The following APOB variants were observed in gnomAD, a reference collection of about 807,000 sequenced individuals.
APOB encodes apolipoprotein B-100.
Under a neutral mutation model 314.1 loss-of-function variants are expected in APOB, and 153 were observed. The ratio of observed to expected loss-of-function variants is 0.49; its 90% confidence interval spans 0.43 to 0.56. The LOEUF (loss-of-function observed/expected upper bound fraction) is 0.56, where lower values mean the gene tolerates loss of function less well. Among genes scored for constraint, APOB ranks in the 20% least tolerant of loss-of-function variants. The probability of loss-of-function intolerance (pLI) is 0.00; values close to 1 mark genes in which losing one functional copy is unlikely to be tolerated. For synonymous variants in APOB, 2,087 were observed against 2,036.4 expected (o/e 1.02, Z -0.67); for missense variants, 5,430 against 5,350.7 (o/e 1.01, Z -0.46).
At position 21,010,281 on chromosome 2, in the gene APOB, A is replaced by G; in HGVS notation, c.6587T>C (p.Ile2196Thr). ...TTCATCAATAATATTAGCAATAGCT[A>G]TTTTCAAATCATGTAAATCATAACT... ...KDSYDLHDLK[I>T]AIANIIDEII... Residue 2196 changes from isoleucine to threonine, a missense_variant, in exon 26 of 29, where the codon ATA becomes ACA. Around this residue, in one of 3 missense-constraint regions of APOB, gnomAD observed 3,281 missense variants for 3,171.0 expected, o/e 1.03. Transcript: ENST00000233242. 5 of 1,551,074 alleles carry G rather than the reference A, an allele frequency of 3.2e-6. No homozygotes were observed. Among genetic ancestry groups the G allele is most frequent in the Non-Finnish European group, 4.3e-6 (5 of 1,150,162 alleles).
At chr2:21,027,329 T>TTTTTG (rs1663755520) in intron 14 of APOB, among the ~76,000 whole-genome samples, 1 of 135,998 alleles carries the variant, frequency 7.4e-6, no homozygotes, top group East Asian at 2.7e-4. Flanking sequence ...TTTTTTTTTT[T>TTTTTG]GAGATGGAGT....
In APOB at chr2:21,014,475, T is replaced by C; in HGVS notation, c.3815A>G (p.His1272Arg). 6.2e-7 allele frequency: 1 copy of C among 1,614,192 alleles called. No homozygotes were observed. The highest frequency in any genetic ancestry group is 8.5e-7 in the Non-Finnish European group (1 of 1,180,014). Residue 1272 changes from histidine (H) to arginine (R), a missense_variant, in exon 24 of 29, where the codon CAC becomes CGC. Physicochemically the swap from His to Arg is conservative, Grantham distance 29 (BLOSUM62 0). Around this residue, in one of 3 missense-constraint regions of APOB, gnomAD observed 2,085 missense variants for 2,079.7 expected, o/e 1.00. Coordinates refer to ENST00000233242, the MANE Select transcript of APOB (RefSeq NM_000384.3). ...TTTTAAGAAGAGGTTTTCTGGGATG[T>C]GGAAGTCTGGCAATCCCATGTTCTG... The part of the protein sequence containing the change: ...NLQNMGLPDF[H>R]IPENLFLKSD...
At chr2:21,028,878 G>A (rs1663808182) in intron 12 of APOB, among the ~76,000 whole-genome samples, 1 of 152,214 alleles carries the variant, frequency 6.6e-6, no homozygotes, top group South Asian at 2.1e-4. Context: ...ATGAGAAGGG[G>A]TAGTAAGAGT....
Position 21,015,355 on chromosome 2 carries a change from G to T in APOB, c.3508+15C>A. The T allele has an allele frequency of 6.2e-7, 1 of 1,614,088 alleles. No homozygotes were observed. Among genetic ancestry groups the T allele is most frequent in the African/African-American group, 1.3e-5 (1 of 75,010 alleles). The stretch of plus-strand genomic sequence containing the variant: ...ATTACTTTGGAAGTGCTCACACAGG[G>T]GAAGAGACACATACCATAATGCCAT... On this transcript the variant is annotated intron_variant, in intron 22 of 28. Transcript: ENST00000233242.
chr2:21,042,767 C>A (rs528550649), intron 2 of APOB, among the ~76,000 whole-genome samples: 2 of 151,978 alleles, frequency 1.3e-5, no homozygotes, highest in East Asian at 3.9e-4. Context: ...GCATGAGAGA[C>A]CCTCTGGCAA....
rs886436153 is a variant in APOB, at chr2:21,023,760, C to G, written c.2437-68G>C. 11 of 1,367,916 alleles carry G rather than the reference C, an allele frequency of 8.0e-6. No homozygotes were observed. The African/African-American group carries it at 1.3e-4, about 16-fold the overall frequency. 84.7% of individuals were successfully genotyped at this position (1,367,916 alleles called of 1,614,324 possible). A position where few individuals can be genotyped will look rare whatever the true frequency, so the allele number is the denominator to read the frequency against. Reference sequence around the variant, plus strand: ...TAAAGTCGGTTTTGTTAATTACAACCTCCCATACATTGGAGAGTAATTCCT... The same window carrying G: ...TAAAGTCGGTTTTGTTAATTACAACGTCCCATACATTGGAGAGTAATTCCT... On this transcript the variant is annotated intron_variant, in intron 16 of 28. Coordinates refer to ENST00000233242, the MANE Select transcript of APOB (RefSeq NM_000384.3).
Position 21,034,848 on chromosome 2 carries a change from G to T in APOB, c.872C>A (p.Thr291Lys). The T allele has an allele frequency of 1.2e-6, 2 of 1,605,882 alleles. No homozygotes were observed. Among genetic ancestry groups the T allele is most frequent in the Non-Finnish European group, 1.7e-6 (2 of 1,172,430 alleles). The change falls in exon 8 of 29, where the codon ACA becomes AAA. Residue 291 changes from threonine (T) to lysine (K), a missense_variant. Physicochemically the swap from Thr to Lys is moderately conservative, Grantham distance 78. Around this residue, in one of 3 missense-constraint regions of APOB, gnomAD observed 2,085 missense variants for 2,079.7 expected, o/e 1.00. Transcript: ENST00000233242. ...QVTQTLKLED[T>K]PKINSRFFGE... ...AAAGAAGCGGCTGTTGATCTTTGGT[G>T]TGTCTTCAAGTTTCAAAGTCTGTGT... is the stretch of plus-strand genomic sequence containing the variant.
Position 21,002,635 on chromosome 2 carries a change from T to C in APOB, c.12787A>G (p.Ile4263Val), listed in dbSNP as rs751291501. 5 of 1,613,912 alleles carry C rather than the reference T, an allele frequency of 3.1e-6. No homozygotes were observed. The highest frequency in any genetic ancestry group is 3.3e-4 in the Middle Eastern group (2 of 6,058). The change falls in exon 29 of 29, where the codon ATA becomes GTA. Residue 4263 changes from isoleucine (I) to valine (V), a missense_variant. By Grantham distance (29) the Ile-to-Val change is conservative (BLOSUM62 3). Coordinates refer to ENST00000233242, the MANE Select transcript of APOB (RefSeq NM_000384.3). ...LPFELRKHKLIDVISMYRELL... is the reference protein window; with the variant it reads ...LPFELRKHKLVDVISMYRELL... ...TCCCTATACATCGAGATTACATCTATTAGTTTATGTTTCCTTAACTCGAAA... is the reference window on the plus strand; with the variant it reads ...TCCCTATACATCGAGATTACATCTACTAGTTTATGTTTCCTTAACTCGAAA...
chr2:21,040,622 C>T (rs760226126), intron 4 of APOB, among the ~76,000 whole-genome samples: 1 of 152,194 alleles, frequency 6.6e-6, no homozygotes, highest in Non-Finnish European at 1.5e-5. Flanking sequence ...CCAAAGACCA[C>T]CAAGCACTAG....
rs1663625303 is a variant in APOB, at chr2:21,022,233, G to C, written c.2816+598C>G. Among the ~76,000 whole-genome samples, 2 of 152,284 alleles carry C rather than the reference G, an allele frequency of 1.3e-5. 1 individual carries two copies. The highest frequency in any genetic ancestry group is 4.1e-4 in the South Asian group (2 of 4,824). On this transcript the variant is annotated intron_variant, in intron 18 of 28. Transcript: ENST00000233242. Reference sequence around the variant, plus strand: ...TCCATCCACCTGGGGCTCCCAAAGTGCTAGGATTACAGGCATGAACCACCG... The same window carrying C: ...TCCATCCACCTGGGGCTCCCAAAGTCCTAGGATTACAGGCATGAACCACCG...
chr2:21,009,151 A>C lies in APOB; in HGVS notation c.7717T>G (p.Trp2573Gly), dbSNP rs763937444. The change falls in exon 26 of 29, where the codon TGG becomes GGG. Residue 2573 changes from tryptophan (W) to glycine (G), a missense_variant. Trp to Gly is a radical substitution (Grantham distance 184). Around this residue, in one of 3 missense-constraint regions of APOB, gnomAD observed 3,281 missense variants for 3,171.0 expected, o/e 1.03. Coordinates refer to ENST00000233242, the MANE Select transcript of APOB (RefSeq NM_000384.3). ...DFAEQYSIQDWAKRMKALVEQ... is the reference protein window; with the variant it reads ...DFAEQYSIQDGAKRMKALVEQ... ...ACCAATGCTTTCATACGTTTAGCCC[A>C]ATCTTGGATAGAATATTGCTCTGCA... 3 of 1,613,970 alleles carry C rather than the reference A, an allele frequency of 1.9e-6. No homozygotes were observed. Among genetic ancestry groups the C allele is most frequent in the Non-Finnish European group, 2.5e-6 (3 of 1,179,950 alleles).
chr2:21,015,541 C>T lies in APOB; in HGVS notation c.3337G>A (p.Asp1113Asn). The T allele has an allele frequency of 6.2e-7, 1 of 1,612,434 alleles. No homozygotes were observed. ...TTGATTTTTCTTTCTTCCTTTGTGTCACAACTATGGTAAAGAAAATCAGTT... is the reference window on the plus strand; with the variant it reads ...TTGATTTTTCTTTCTTCCTTTGTGTTACAACTATGGTAAAGAAAATCAGTT... Reference protein sequence around the residue: ...EVALMGHLSCDTKEERKIKGV... With the variant: ...EVALMGHLSCNTKEERKIKGV... The change falls in exon 22 of 29, where the codon GAC becomes AAC. Residue 1113 changes from aspartate (D) to asparagine (N), a missense_variant. This residue lies in a region of APOB where 2,085 missense variants were observed against 2,079.7 expected (regional missense o/e 1.00). Coordinates refer to ENST00000233242, the MANE Select transcript of APOB (RefSeq NM_000384.3).
rs1330652141 is a variant in APOB at position 21,005,720 on chromosome 2, G to T, written c.11148C>A (p.Gly3716=). The T allele has an allele frequency of 6.2e-7, 1 of 1,613,930 alleles. No homozygotes were observed. Among genetic ancestry groups the T allele is most frequent in the East Asian group, 2.2e-5 (1 of 44,884 alleles). ...TAFVYTKNPN[G]YSFSIPVKVL... ...CTTTTACAGGGATGGAGAATGAATA[G>T]CCATTGGGGTTTTTGGTGTACACAA... Residue 3716 remains glycine (G), a synonymous_variant, in exon 26 of 29, where the codon GGC becomes GGA. Transcript: ENST00000233242.
chr2:21,017,737 C>T (rs973285801), intron 20 of APOB, among the ~76,000 whole-genome samples: 4 of 152,156 alleles, frequency 2.6e-5, no homozygotes, highest in African/African-American at 9.7e-5. Context: ...ACAAGATTCC[C>T]GGGCGTCCTT....
In APOB at chr2:21,032,581, G is replaced by A. The variant is rs1663908513; in HGVS notation, c.1125C>T (p.Ser375=). Residue 375 remains serine (S), a splice_region_variant and synonymous_variant, in exon 10 of 29, where the codon AGC becomes AGT. Coordinates refer to ENST00000233242, the MANE Select transcript of APOB (RefSeq NM_000384.3). ...GAACCAAGGCTTGTAAAGTGATGGG[G>A]CTGAGAAGAAAGACATGGATAAAGT... ...SLLPQLIEVS[S]PITLQALVQC... 6.2e-7 allele frequency: 1 copy of A among 1,612,886 alleles called. No homozygotes were observed. The highest frequency in any genetic ancestry group is 1.3e-5 in the African/African-American group (1 of 74,904).
In APOB at chr2:21,005,808, A is replaced by T. The variant is rs1663117683; in HGVS notation, c.11060T>A (p.Phe3687Tyr). The change falls in exon 26 of 29, where the codon TTC (phenylalanine) becomes TAC (tyrosine). Residue 3687 changes from phenylalanine (F) to tyrosine (Y), a missense_variant. Physicochemically the swap from Phe to Tyr is conservative, Grantham distance 22. This residue lies in a region of APOB where 3,281 missense variants were observed against 3,171.0 expected (regional missense o/e 1.03). Transcript: ENST00000233242. Reference protein sequence around the residue: ...LPVYDKSLWDFLKLDVTTSIG... With the variant: ...LPVYDKSLWDYLKLDVTTSIG... ...GCTGGTGGTTACATCCAGCTTTAGG[A>T]AATCCCATAAGCTCTTGTCATAGAC... 2 of 1,613,936 alleles carry T rather than the reference A, an allele frequency of 1.2e-6. No homozygotes were observed. Among genetic ancestry groups the T allele is most frequent in the Non-Finnish European group, 1.7e-6 (2 of 1,179,980 alleles).
chr2:21,031,926 A>T (rs1438691598), intron 10 of APOB, among the ~76,000 whole-genome samples: 2 of 152,168 alleles, frequency 1.3e-5, no homozygotes, highest in Non-Finnish European at 2.9e-5. Context: ...CTAATATTGA[A>T]CTGAAGTTAA....
chr2:21,041,028 G>A lies in APOB; in HGVS notation c.293C>T (p.Thr98Ile), dbSNP rs1367117. The A allele has an allele frequency of 0.3, 476,996 of 1,612,808 alleles. 75,153 individuals are homozygous for A. The highest frequency in any genetic ancestry group is 0.33 in the Non-Finnish European group (390,220 of 1,179,460). Residue 98 changes from threonine to isoleucine, a missense_variant, in exon 4 of 29, where the codon ACC (threonine) becomes ATC (isoleucine). Physicochemically the swap from Thr to Ile is moderately conservative, Grantham distance 89. Around this residue, in one of 3 missense-constraint regions of APOB, gnomAD observed 2,085 missense variants for 2,079.7 expected, o/e 1.00. Coordinates refer to ENST00000233242, the MANE Select transcript of APOB (RefSeq NM_000384.3). ...GTTGAAGCCATACACCTCTTTCAGGGTGCACTGGCTGGTCTTCAGGATGAA... is the reference window on the plus strand; with the variant it reads ...GTTGAAGCCATACACCTCTTTCAGGATGCACTGGCTGGTCTTCAGGATGAA... ...CSFILKTSQC[T>I]LKEVYGFNPE...
In APOB at chr2:21,017,606, G is replaced by A. The variant is rs756910118; in HGVS notation, c.3122-957C>T. ...CTTGTTTGTGGAACAGCAAAGGCTC[G>A]CAGCCCTTCTGGGCCAGGAAGACAC... On this transcript the variant is annotated intron_variant, in intron 20 of 28. Coordinates refer to ENST00000233242, the MANE Select transcript of APOB (RefSeq NM_000384.3). 2.1e-4 allele frequency among the ~76,000 whole-genome samples: 32 copies of A among 152,034 alleles called. 1 individual carries two copies. Among genetic ancestry groups the A allele is most frequent in the African/African-American group, 1.7e-4 (7 of 41,380 alleles).
Sources: allele counts gnomAD v4.1 joint callset (sites outside exome capture counted in the v4.1 genomes callset), GRCh38; gene constraint gnomAD v4.1.1; regional missense constraint gnomAD v4.1.1; transcripts MANE v1.5; gene names NCBI Gene and HGNC (gene_info 2026-07-23, HGNC 2026-07-21).